PALLD: variants seen among roughly 807,000 people sequenced by gnomAD.
PALLD encodes the protein palladin, cytoskeletal associated protein, also known as palladin.
PALLD carries 61 observed loss-of-function variants against 123.5 expected under a neutral mutation model. That is an observed-to-expected ratio of 0.49 (90% CI 0.40 to 0.61). PALLD has a LOEUF of 0.61. Ranked by LOEUF, PALLD falls within the 20% of genes least tolerant of loss-of-function variation. The probability of loss-of-function intolerance (pLI) is 0.00; values close to 1 mark genes in which losing one functional copy is unlikely to be tolerated. For synonymous variants in PALLD, 465 were observed against 496.4 expected (o/e 0.94, Z 0.84); for missense variants, 1,273 against 1,377.0 (o/e 0.92, Z 1.20).
intron 2 of PALLD, among the ~76,000 whole-genome samples, chr4:168,578,516 TAA>T (rs1294938947): frequency 1.3e-5 from 2 of 152,124 alleles, no homozygotes; most frequent in African/African-American, 4.8e-5. Flanking sequence ...GCCATAATTG[TAA>T]GTTTCCTGAG....
At chr4:168,564,044 G>A (rs1156294916) in intron 2 of PALLD, among the ~76,000 whole-genome samples, 3 of 152,086 alleles carry the variant, frequency 2.0e-5, no homozygotes, top group Non-Finnish European at 4.4e-5. Flanking sequence ...TCCATTGTCT[G>A]TCCACATGGA....
rs997662441 is a variant in PALLD, at chr4:168,830,035, C to T, written c.1965-60887C>T. Among the ~76,000 whole-genome samples, 4 of 152,206 alleles carry T rather than the reference C, an allele frequency of 2.6e-5. No homozygotes were observed. The East Asian group carries it at 7.7e-4, about 29-fold the overall frequency. Reference sequence around the variant, plus strand: ...TCACTTGAGGTCAGGAGTTCAAGAGCAGCTTGGCCAACATGGTGAAACCCC... The same window carrying T: ...TCACTTGAGGTCAGGAGTTCAAGAGTAGCTTGGCCAACATGGTGAAACCCC... On this transcript the variant is annotated intron_variant, in intron 10 of 21. Transcript: ENST00000505667.
chr4:168,511,473 GCAGA>G lies in PALLD; in HGVS notation c.-29_-26del. The G allele has an allele frequency of 6.4e-7, 1 of 1,562,426 alleles. No individual in the cohort carries two copies. The highest frequency in any genetic ancestry group is 1.1e-5 in the South Asian group (1 of 90,052). ...AGTGCCTCTGGCCTTCCTACTGAAAGCAGACACAGAGTGCATGAAGACCGTTCAA... is the reference window on the plus strand; with the variant it reads ...AGTGCCTCTGGCCTTCCTACTGAAAGCACAGAGTGCATGAAGACCGTTCAA... On this transcript the variant is annotated 5_prime_UTR_variant, in exon 2 of 22. Coordinates refer to ENST00000505667, the MANE Select transcript of PALLD (RefSeq NM_001166108.2).
At chr4:168,677,986 C>A (rs906515250) in intron 3 of PALLD, 2 of 152,600 alleles carry the variant, frequency 1.3e-5, no homozygotes, top group African/African-American at 4.8e-5. Context: ...ATCTGCGCCT[C>A]GTCCCCAGAC....
At chr4:168,914,147 C>T (rs970794000) in intron 16 of PALLD, 126 bp downstream of exon 16, 7 of 707,930 alleles carry the variant, frequency 9.9e-6, no homozygotes, top group Middle Eastern at 3.1e-4. Flanking sequence ...GGAATGCAAA[C>T]CTGAAGCCTG....
intron 2 of PALLD, among the ~76,000 whole-genome samples, chr4:168,543,016 G>A (rs994673079): frequency 6.6e-6 from 1 of 151,898 alleles, no homozygotes; most frequent in Admixed American, 6.6e-5. Context: ...AAGATTTTGT[G>A]CCACTCTCCT....
At chr4:168,637,415 A>C (rs571240957) in intron 2 of PALLD, among the ~76,000 whole-genome samples, 52 of 152,226 alleles carry the variant, frequency 3.4e-4, no homozygotes, top group African/African-American at 1.2e-3. Flanking sequence ...CACATTGCTC[A>C]GCTAACCCGG....
chr4:168,916,877 G>T (rs558588783), intron 17 of PALLD, among the ~76,000 whole-genome samples: 1 of 151,760 alleles, frequency 6.6e-6, no homozygotes, highest in Non-Finnish European at 1.5e-5. Context: ...CACCATGTTG[G>T]TCAGGCTGGT....
At chr4:168,538,929 T>C (rs1765345721) in intron 2 of PALLD, among the ~76,000 whole-genome samples, 1 of 152,234 alleles carries the variant, frequency 6.6e-6, no homozygotes, top group Admixed American at 6.5e-5. Flanking sequence ...TGCTACGACT[T>C]CGTGTTCATG....
chr4:168,607,999 C>T (rs929827099), intron 2 of PALLD, among the ~76,000 whole-genome samples: 3 of 152,170 alleles, frequency 2.0e-5, no homozygotes, highest in African/African-American at 7.2e-5. Flanking sequence ...TGGCTACCAG[C>T]TGCTCACAAG....
At chr4:168,742,904 T>G (rs965196066) in intron 10 of PALLD, among the ~76,000 whole-genome samples, 1 of 152,172 alleles carries the variant, frequency 6.6e-6, no homozygotes, top group Non-Finnish European at 1.5e-5. Flanking sequence ...ACAATCTCAC[T>G]CCCTCCTTTT....
At chr4:168,562,881 G>A (rs1767999729) in intron 2 of PALLD, among the ~76,000 whole-genome samples, 1 of 152,168 alleles carries the variant, frequency 6.6e-6, no homozygotes, top group Non-Finnish European at 1.5e-5. Context: ...TTCAGAAGAT[G>A]CCTGCAGCTC....
At chr4:168,902,445 A>G (rs746190702) in intron 14 of PALLD, among the ~76,000 whole-genome samples, 3 of 152,160 alleles carry the variant, frequency 2.0e-5, no homozygotes, top group East Asian at 1.9e-4. Flanking sequence ...TGATGGGCCT[A>G]TCTTTCAACT....
intron 2 of PALLD, among the ~76,000 whole-genome samples, chr4:168,617,791 T>G (rs1166851446): frequency 1.3e-5 from 2 of 152,160 alleles, no homozygotes; most frequent in African/African-American, 2.4e-5. Context: ...TAACAAATTT[T>G]CTCAATAAAT....
At chr4:168,904,683 A>G (rs1395676688) in intron 15 of PALLD, among the ~76,000 whole-genome samples, 4 of 152,220 alleles carry the variant, frequency 2.6e-5, no homozygotes, top group Non-Finnish European at 4.4e-5. Flanking sequence ...AAAAAGAAAA[A>G]AAAAGGCATG....
intron 3 of PALLD, among the ~76,000 whole-genome samples, chr4:168,678,950 G>T (rs1029522573): frequency 6.7e-6 from 1 of 148,898 alleles, no homozygotes; most frequent in Non-Finnish European, 1.5e-5. Flanking sequence ...TGTGTGTGGT[G>T]TGTGTGTGGG....
At chr4:168,670,095 GC>G (rs1490191829) in intron 3 of PALLD, among the ~76,000 whole-genome samples, 3 of 152,148 alleles carry the variant, frequency 2.0e-5, no homozygotes, top group Non-Finnish European at 4.4e-5. Context: ...AACTTCTTAA[GC>G]CATCTTAGAA....
At chr4:168,766,390 C>G (rs949021932) in intron 10 of PALLD, among the ~76,000 whole-genome samples, 6 of 149,222 alleles carry the variant, frequency 4.0e-5, no homozygotes, top group Admixed American at 6.7e-5. Context: ...TACTAGAGCT[C>G]TACCTGAAAG....
chr4:168,793,645 G>A (rs1009384031), intron 10 of PALLD, among the ~76,000 whole-genome samples: 2 of 152,072 alleles, frequency 1.3e-5, no homozygotes, highest in Non-Finnish European at 2.9e-5. Context: ...ACAAAGTGGG[G>A]TTGCTGGAAG....
Sources: allele counts gnomAD v4.1 joint callset (sites outside exome capture counted in the v4.1 genomes callset), GRCh38; gene constraint gnomAD v4.1.1; transcripts MANE v1.5; gene names NCBI Gene and HGNC (gene_info 2026-07-23, HGNC 2026-07-21).